The following NAA50 variants were observed in gnomAD, a reference collection of about 807,000 sequenced individuals.
NAA50 encodes N-alpha-acetyltransferase 50.
A neutral mutation model predicts 20.7 loss-of-function variants in NAA50; 7 were observed. The ratio of observed to expected loss-of-function variants is 0.34; its 90% CI spans 0.19 to 0.63. NAA50 has a LOEUF of 0.63. NAA50 is among the 30% of genes least tolerant of loss of function. The pLI is 0.75. For missense variants in NAA50, 111 were observed against 199.1 expected (o/e 0.56, Z 2.66); for synonymous variants, 54 against 70.6 (o/e 0.77, Z 1.18).
In NAA50 at chr3:113,746,211, C is replaced by T. The variant is rs1708500284; in HGVS notation, c.-262G>A. The T allele has an allele frequency of 4.0e-6, 2 of 498,484 alleles. No homozygotes were observed. The highest frequency in any genetic ancestry group is 2.6e-5 in the South Asian group (1 of 39,136). 30.9% of individuals were successfully genotyped at this position (498,484 alleles called of 1,614,324 possible). On this transcript the variant is annotated 5_prime_UTR_variant, in exon 1 of 5. Transcript: ENST00000240922. ...CGGGTCTCTCGGCTCCCTCCCGCCG[C>T]TGCCGCCAGCCAGACCCGCTGCCGC...
chr3:113,729,542 C>CTTT (rs1708244039), intron 1 of NAA50, among the ~76,000 whole-genome samples: 1 of 148,724 alleles, frequency 6.7e-6, no homozygotes. Flanking sequence ...AGTTTTCTTT[C>CTTT]TTTCTTTTTT....
chr3:113,733,839 C>A (rs1577070940), intron 1 of NAA50, among the ~76,000 whole-genome samples: 1 of 96,880 alleles, frequency 1.0e-5, no homozygotes, highest in Non-Finnish European at 1.8e-5. Flanking sequence ...GGTGACAGAG[C>A]AAGACTCTGT....
chr3:113,737,498 T>C (rs1473269448), intron 1 of NAA50, among the ~76,000 whole-genome samples: 1 of 152,234 alleles, frequency 6.6e-6, no homozygotes, highest in Non-Finnish European at 1.5e-5. Context: ...CTACCTCATA[T>C]GAACTATATT....
chr3:113,743,692 T>C (rs1708451095), intron 1 of NAA50, among the ~76,000 whole-genome samples: 1 of 152,194 alleles, frequency 6.6e-6, no homozygotes, highest in South Asian at 2.1e-4. Context: ...AGGTTTACAG[T>C]AAAGAACACA....
chr3:113,733,466 CAG>C (rs1229840475), intron 1 of NAA50, among the ~76,000 whole-genome samples: 2 of 151,800 alleles, frequency 1.3e-5, no homozygotes, highest in African/African-American at 2.4e-5. Context: ...ATTTACAAGA[CAG>C]AAAATAAGTA....
chr3:113,723,847 C>A lies in NAA50; in HGVS notation c.145+112G>T. ...AACCTAGACCACTCCCATTTCCTCA[C>A]TTATAAAATAAACAAACTAAATTAG... On this transcript the variant is annotated intron_variant, in intron 2 of 4. Coordinates refer to ENST00000240922, the MANE Select transcript of NAA50 (RefSeq NM_025146.4). 4 of 1,237,684 alleles carry A rather than the reference C, an allele frequency of 3.2e-6. No homozygotes were observed. In the South Asian group the frequency reaches 7.6e-5, roughly 23 times the overall value. The allele number at this position is 1,237,684 out of a possible 1,614,324, so 76.7% of individuals were successfully genotyped here. A position where few individuals can be genotyped will look rare whatever the true frequency, so the allele number is the denominator to read the frequency against.
At chr3:113,733,246 G>T (rs1355375354) in intron 1 of NAA50, among the ~76,000 whole-genome samples, 1 of 151,780 alleles carries the variant, frequency 6.6e-6, no homozygotes, top group African/African-American at 2.4e-5. Flanking sequence ...TTCTTACCAC[G>T]GTATCATACT....
intron 1 of NAA50, among the ~76,000 whole-genome samples, chr3:113,735,146 A>C (rs1708323040): frequency 6.6e-6 from 1 of 152,248 alleles, no homozygotes; most frequent in Admixed American, 6.5e-5. Context: ...GAATGTAAGA[A>C]ACACTTGAAT....
intron 1 of NAA50, among the ~76,000 whole-genome samples, chr3:113,725,822 T>C (rs1302746419): frequency 1.6e-5 from 2 of 125,600 alleles, no homozygotes; most frequent in South Asian, 2.4e-4. Flanking sequence ...ATTTGATTTA[T>C]CTGGAGAGGA....
At chr3:113,739,722 T>TA (rs1367357276) in intron 1 of NAA50, 1 of 152,230 alleles carries the variant, frequency 6.6e-6, no homozygotes, top group Non-Finnish European at 1.5e-5. Flanking sequence ...CACAGAGGTA[T>TA]AAACAGCCAT....
At chr3:113,728,393 T>C (rs918428356) in intron 1 of NAA50, among the ~76,000 whole-genome samples, 1 of 152,210 alleles carries the variant, frequency 6.6e-6, no homozygotes, top group East Asian at 1.9e-4. Flanking sequence ...GAAAGACAGG[T>C]ATATACAATG....
In NAA50 at chr3:113,717,413, C is replaced by A. The variant is rs919505866; in HGVS notation, c.*4347G>T. The A allele has an allele frequency of 6.6e-6, 1 of 152,180 alleles. No homozygotes were observed. Among genetic ancestry groups the A allele is most frequent in the African/African-American group, 2.4e-5 (1 of 41,440 alleles). 9.4% of individuals were successfully genotyped at this position (152,180 alleles called of 1,614,324 possible). ...GAACTGAAAAGGTTGAGAATTTCTG[C>A]CCCAGTAACAGATCGTTCTCTGACT... On this transcript the variant is annotated 3_prime_UTR_variant, in exon 5 of 5. Coordinates refer to ENST00000240922, the MANE Select transcript of NAA50 (RefSeq NM_025146.4).
chr3:113,729,009 G>A (rs942532145), intron 1 of NAA50, among the ~76,000 whole-genome samples: 11 of 146,556 alleles, frequency 7.5e-5, no homozygotes, highest in Non-Finnish European at 1.3e-4. Flanking sequence ...TTTTTGAGAC[G>A]GAGTCTCCCT....
In NAA50 at chr3:113,720,187, CAAAT is replaced by C. The variant is rs1708116837; in HGVS notation, c.*1569_*1572del. 2 of 152,650 alleles carry C rather than the reference CAAAT, an allele frequency of 1.3e-5. No individual in the cohort carries two copies. The highest frequency in any genetic ancestry group is 2.1e-4 in the South Asian group (1 of 4,822). The allele number at this position is 152,650 out of a possible 1,614,324, so 9.5% of individuals were successfully genotyped here. On this transcript the variant is annotated 3_prime_UTR_variant, in exon 5 of 5. Coordinates refer to ENST00000240922, the MANE Select transcript of NAA50 (RefSeq NM_025146.4). The stretch of plus-strand genomic sequence containing the variant: ...ACTGCACTTTGTACTTTCACATTCT[CAAAT>C]AAAAACTTAAGGTTATAAAGTGTGC...
intron 1 of NAA50, among the ~76,000 whole-genome samples, chr3:113,735,975 C>G (rs926173697): frequency 6.6e-6 from 1 of 152,218 alleles, no homozygotes; most frequent in Non-Finnish European, 1.5e-5. Flanking sequence ...CGCAAGCCAC[C>G]GTGCCTGGCC....
chr3:113,726,228 A>G (rs897809114), intron 1 of NAA50, among the ~76,000 whole-genome samples: 31 of 152,000 alleles, frequency 2.0e-4, no homozygotes, highest in Non-Finnish European at 3.4e-4. Flanking sequence ...TATTTAAAAA[A>G]CCCCTCAGCA....
At chr3:113,737,349 C>T (rs561080550) in intron 1 of NAA50, among the ~76,000 whole-genome samples, 4 of 152,166 alleles carry the variant, frequency 2.6e-5, no homozygotes, top group South Asian at 4.1e-4. Flanking sequence ...TAAACTCTTA[C>T]CCTGTAGTAA....
At chr3:113,738,456 C>T (rs985939438) in intron 1 of NAA50, among the ~76,000 whole-genome samples, 1 of 152,242 alleles carries the variant, frequency 6.6e-6, no homozygotes, top group African/African-American at 2.4e-5. Flanking sequence ...GCCCACCGTT[C>T]ATCCAATAGA....
At chr3:113,736,233 T>A (rs1029462106) in intron 1 of NAA50, among the ~76,000 whole-genome samples, 1 of 152,198 alleles carries the variant, frequency 6.6e-6, no homozygotes, top group Non-Finnish European at 1.5e-5. Flanking sequence ...TTCTTGTTTT[T>A]CAGATTCATA....
Sources: gnomAD v4.1 joint callset for allele counts (sites outside exome capture counted in the v4.1 genomes callset) on GRCh38, gnomAD v4.1.1 for gene constraint, MANE v1.5 for transcripts, NCBI Gene and HGNC (gene_info 2026-07-23, HGNC 2026-07-21) for gene names.